GPR137B: variants seen among roughly 807,000 people sequenced by gnomAD.
The protein encoded by GPR137B is G protein-coupled receptor 137B, also known as integral membrane protein GPR137B.
In GPR137B, 42 loss-of-function variants were observed where a neutral mutation model predicts 42.5. The observed-to-expected ratio is 0.99, with a 90% CI of 0.77 to 1.28. The LOEUF (loss-of-function observed/expected upper bound fraction) is 1.28. GPR137B is among the 50% of genes most tolerant of loss of function. GPR137B has a pLI of 0.00. For synonymous variants in GPR137B, 218 were observed against 209.7 expected (o/e 1.04, Z -0.34); for missense variants, 487 against 493.9 (o/e 0.99, Z 0.13).
rs753636610 is a variant in GPR137B at position 236,142,853 on chromosome 1, C to T, written c.231C>T (p.Tyr77=). 6.8e-6 allele frequency: 11 copies of T among 1,614,012 alleles called. No individual in the cohort carries two copies. Among genetic ancestry groups the T allele is most frequent in the Middle Eastern group, 3.3e-4 (2 of 6,084 alleles). ...GTTACCGCCACAAGCGGCTCAGCTACCAGAGCGTCTTCCTCTTTCTCTGCC... is the reference window on the plus strand; with the variant it reads ...GTTACCGCCACAAGCGGCTCAGCTATCAGAGCGTCTTCCTCTTTCTCTGCC... The part of the protein sequence containing the change: ...VLRYRHKRLS[Y]QSVFLFLCLF... Residue 77 remains tyrosine (Y), a synonymous_variant, in exon 1 of 7, where the codon TAC becomes TAT. Coordinates refer to ENST00000366592, the MANE Select transcript of GPR137B (RefSeq NM_003272.4).
intron 1 of GPR137B, among the ~76,000 whole-genome samples, chr1:236,162,430 A>C (rs1662228388): frequency 6.6e-6 from 1 of 152,234 alleles, no homozygotes; most frequent in African/African-American, 2.4e-5. Flanking sequence ...AAATTCAAGC[A>C]CGCTACAGAA....
chr1:236,153,754 A>C (rs1661937485), intron 1 of GPR137B, among the ~76,000 whole-genome samples: 2 of 152,228 alleles, frequency 1.3e-5, no homozygotes, highest in South Asian at 4.1e-4. Context: ...TTTTCAGTGG[A>C]AAGTTGAAGA....
At chr1:236,174,424 C>T (rs578231436) in intron 2 of GPR137B, among the ~76,000 whole-genome samples, 1 of 152,258 alleles carries the variant, frequency 6.6e-6, no homozygotes, top group African/African-American at 2.4e-5. Context: ...ATTGAGCTGC[C>T]TCTTGAGTGC....
In GPR137B at chr1:236,205,224, C is replaced by T. The variant is rs1447996946; in HGVS notation, c.1065C>T (p.Asn355=). The change falls in exon 6 of 7, where the codon AAC becomes AAT. Residue 355 remains asparagine (N), a synonymous_variant. Coordinates refer to ENST00000366592, the MANE Select transcript of GPR137B (RefSeq NM_003272.4). ...ACAGTGATGATGACCTTGCCTGGAACATTGCCCCTCAGGGACTTCAGGGAG... is the reference window on the plus strand; with the variant it reads ...ACAGTGATGATGACCTTGCCTGGAATATTGCCCCTCAGGGACTTCAGGGAG... ...RYDSDDDLAW[N]IAPQGLQGGF... is the part of the protein sequence containing the mutation. The T allele has an allele frequency of 6.2e-7, 1 of 1,613,434 alleles. No individual in the cohort carries two copies. The highest frequency in any genetic ancestry group is 1.7e-5 in the Admixed American group (1 of 60,030).
intron 5 of GPR137B, among the ~76,000 whole-genome samples, chr1:236,196,252 G>A (rs575318823): frequency 6.6e-6 from 1 of 152,174 alleles, no homozygotes; most frequent in South Asian, 2.1e-4. Context: ...TGATTCTCCT[G>A]CGTCAGCCTC....
chr1:236,188,547 G>A (rs1009950893), intron 5 of GPR137B, among the ~76,000 whole-genome samples: 33 of 152,054 alleles, frequency 2.2e-4, no homozygotes, highest in Admixed American at 1.6e-3. Context: ...GAATTTTGTC[G>A]AAGGTCTTTT....
intron 1 of GPR137B, among the ~76,000 whole-genome samples, chr1:236,151,232 G>A (rs940145940): frequency 5.3e-5 from 8 of 152,056 alleles, no homozygotes; most frequent in African/African-American, 1.7e-4. Flanking sequence ...GGCATTCCCC[G>A]AGGGCTGCAG....
chr1:236,189,135 A>T (rs1365116765), intron 5 of GPR137B, among the ~76,000 whole-genome samples: 1 of 152,030 alleles, frequency 6.6e-6, no homozygotes, highest in East Asian at 1.9e-4. Context: ...CTTTGATGGT[A>T]GTTTGTATTT....
chr1:236,178,703 A>G lies in GPR137B; in HGVS notation c.687+67A>G, dbSNP rs1025142500. 12 of 1,039,714 alleles carry G rather than the reference A, an allele frequency of 1.2e-5. No individual in the cohort carries two copies. In the African/African-American group the frequency reaches 1.3e-4, roughly 11 times the overall value. 64.4% of individuals were successfully genotyped at this position (1,039,714 alleles called of 1,614,324 possible). On this transcript the variant is annotated intron_variant, in intron 3 of 6. Transcript: ENST00000366592. Reference sequence around the variant, plus strand: ...TCTAAAAAGAGTTTCCTGGTTTGCAAAAGTACATTTTGATGAATTTTAGAC... The same window carrying G: ...TCTAAAAAGAGTTTCCTGGTTTGCAGAAGTACATTTTGATGAATTTTAGAC...
intron 1 of GPR137B, 109 bp downstream of exon 1, chr1:236,143,145 G>C: frequency 1.1e-6 from 1 of 930,170 alleles, no homozygotes; most frequent in East Asian, 2.4e-5. Context: ...CCCTAGGGCT[G>C]AGAGTGTAGG....
intron 1 of GPR137B, among the ~76,000 whole-genome samples, chr1:236,162,858 G>T (rs1662238425): frequency 6.6e-6 from 1 of 152,378 alleles, no homozygotes; most frequent in African/African-American, 2.4e-5. Context: ...TGCTAGGGCA[G>T]TGCAGAAGGG....
At chr1:236,164,755 CAT>C (rs1662299365) in intron 1 of GPR137B, among the ~76,000 whole-genome samples, 1 of 151,846 alleles carries the variant, frequency 6.6e-6, no homozygotes, top group South Asian at 2.1e-4. Context: ...AATGTAAGTA[CAT>C]ATATATATAA....
chr1:236,172,760 C>T (rs1207605369), intron 2 of GPR137B, among the ~76,000 whole-genome samples: 1 of 150,884 alleles, frequency 6.6e-6, no homozygotes, highest in Non-Finnish European at 1.5e-5. Context: ...TCATAGCTCA[C>T]TATAGCTTTA....
At chr1:236,174,144 T>A (rs1041367466) in intron 2 of GPR137B, among the ~76,000 whole-genome samples, 1 of 152,204 alleles carries the variant, frequency 6.6e-6, no homozygotes, top group Non-Finnish European at 1.5e-5. Context: ...ATCCTGACTT[T>A]TTAACTTGAT....
Position 236,179,894 on chromosome 1 carries a change from C to A in GPR137B, c.703C>A (p.Gln235Lys). The A allele has an allele frequency of 6.3e-7, 1 of 1,590,292 alleles. No individual in the cohort carries two copies. Among genetic ancestry groups the A allele is most frequent in the African/African-American group, 1.3e-5 (1 of 74,556 alleles). The change falls in exon 4 of 7, where the codon CAA (glutamine) becomes AAA (lysine). Residue 235 changes from glutamine (Q) to lysine (K), a missense_variant. Transcript: ENST00000366592. ...TCTTTTCCAGGGCTCCTCCGTGTGTCAAGTGACTGCCATCGGTGTCACCGT... is the reference window on the plus strand; with the variant it reads ...TCTTTTCCAGGGCTCCTCCGTGTGTAAAGTGACTGCCATCGGTGTCACCGT... ...YLESKGSSVC[Q>K]VTAIGVTVIL...
rs149518044 is a variant in GPR137B, at chr1:236,165,269, G to T, written c.415-3437G>T. Among the ~76,000 whole-genome samples the T allele has an allele frequency of 5.1e-3, 779 of 152,330 alleles. 3 individuals carry two copies. Among genetic ancestry groups the T allele is most frequent in the African/African-American group, 0.018 (731 of 41,572 alleles). ...TAGAGCTTTTCAAAACCATGGTCAA[G>T]GCTTTTATTTTGATGTTTGCACCAT... On this transcript the variant is annotated intron_variant, in intron 1 of 6. Transcript: ENST00000366592.
At chr1:236,173,362 GA>G (rs1228649421) in intron 2 of GPR137B, among the ~76,000 whole-genome samples, 1 of 147,512 alleles carries the variant, frequency 6.8e-6, no homozygotes, top group Non-Finnish European at 1.5e-5. Flanking sequence ...GAGAAAGGAA[GA>G]AACGAAGGAA....
At chr1:236,169,304 G>C (rs1014173986) in intron 2 of GPR137B, among the ~76,000 whole-genome samples, 3 of 152,132 alleles carry the variant, frequency 2.0e-5, no homozygotes, top group Admixed American at 2.0e-4. Context: ...GGCCTTACCC[G>C]CCTTGTCTCA....
chr1:236,198,898 T>C (rs1663417354), intron 5 of GPR137B, among the ~76,000 whole-genome samples: 1 of 152,178 alleles, frequency 6.6e-6, no homozygotes, highest in Non-Finnish European at 1.5e-5. Flanking sequence ...CTCTTGCTGT[T>C]GTCTGATTGC....
Sources: allele counts gnomAD v4.1 joint callset (sites outside exome capture counted in the v4.1 genomes callset), GRCh38; gene constraint gnomAD v4.1.1; transcripts MANE v1.5; gene names NCBI Gene and HGNC (gene_info 2026-07-23, HGNC 2026-07-21).